Variants in NFE2L2 observed in about 807,000 individuals in gnomAD.
NFE2L2 encodes the protein nuclear factor erythroid 2-related factor 2.
NFE2L2 carries 20 observed loss-of-function variants against 49.6 expected under a neutral mutation model. The observed-to-expected ratio is 0.40, with a 90% CI of 0.28 to 0.59. The LOEUF is 0.59. NFE2L2 is among the 20% of genes least tolerant of loss of function. The probability of loss-of-function intolerance (pLI) is 0.40; values close to 1 mark genes in which losing one functional copy is unlikely to be tolerated. For missense variants in NFE2L2, 578 were observed against 714.2 expected, an observed-to-expected ratio of 0.81 and a Z score of 2.17; for synonymous variants, 244 against 256.5, an observed-to-expected ratio of 0.95 and a Z score of 0.47.
At chr2:177,251,454 CTA>C (rs1363384481) in intron 1 of NFE2L2, among the ~76,000 whole-genome samples, 3 of 152,138 alleles carry the variant, frequency 2.0e-5, no homozygotes, top group African/African-American at 7.2e-5. Flanking sequence ...GAAAGGAATC[CTA>C]TGAGATGGTT....
chr2:177,236,825 T>C (rs1689767025), intron 1 of NFE2L2, among the ~76,000 whole-genome samples: 1 of 152,122 alleles, frequency 6.6e-6, no homozygotes, highest in Non-Finnish European at 1.5e-5. Flanking sequence ...GTATTGTTAT[T>C]TTTTCGGGTT....
Position 177,264,052 on chromosome 2 carries a change from GT to G in NFE2L2, c.45+479del, listed in dbSNP as rs1450669417. Among the ~76,000 whole-genome samples the G allele has an allele frequency of 4.6e-5, 7 of 152,238 alleles. No homozygotes were observed. In the East Asian group the frequency reaches 1.4e-3, roughly 29 times the overall value. On this transcript the variant is annotated intron_variant, in intron 1 of 4. Coordinates refer to ENST00000397062, the MANE Select transcript of NFE2L2 (RefSeq NM_006164.5). ...GGGTCCCAGCCCGAAGGCGACCTCA[GT>G]TCCCCCGAGAGCGGCCCCGTGACTA... is the stretch of plus-strand genomic sequence containing the variant.
rs1574280956 is a variant in NFE2L2, at chr2:177,255,639, A to T, written c.45+8893T>A. On this transcript the variant is annotated intron_variant, in intron 1 of 4. Transcript: ENST00000397062. ...CAGTGGCATGATTATGGCTCACTGC[A>T]CCTTCAAACTCCTGGGCTCAAGCTA... 3.3e-5 allele frequency among the ~76,000 whole-genome samples: 5 copies of T among 152,090 alleles called. No homozygotes were observed. In the South Asian group the frequency reaches 8.3e-4, roughly 25 times the overall value.
At chr2:177,258,768 AGGC>A (rs1690621652) in intron 1 of NFE2L2, among the ~76,000 whole-genome samples, 1 of 152,188 alleles carries the variant, frequency 6.6e-6, no homozygotes, top group Non-Finnish European at 1.5e-5. Context: ...AACTCAGAGG[AGGC>A]ATCAAAGCCT....
At position 177,231,628 on chromosome 2, in the gene NFE2L2, G is replaced by C. The variant is rs750904405; in HGVS notation, c.975C>G (p.Cys325Trp). ...CAGGGTGGTTTTGGTTGAAAGCTTT[G>C]CAAAGTGATAGATCAGAAACATCAA... Reference protein sequence around the residue: ...GPIDVSDLSLCKAFNQNHPES... With the variant: ...GPIDVSDLSLWKAFNQNHPES... Residue 325 changes from cysteine (C) to tryptophan (W), a missense_variant, in exon 5 of 5, where the codon TGC becomes TGG. Cys to Trp is a radical substitution (Grantham distance 215, BLOSUM62 -2). Around this residue, in one of 3 missense-constraint regions of NFE2L2, gnomAD observed 368 missense variants for 384.6 expected, o/e 0.96. Coordinates refer to ENST00000397062, the MANE Select transcript of NFE2L2 (RefSeq NM_006164.5). 6.2e-7 allele frequency: 1 copy of C among 1,614,192 alleles called. No homozygotes were observed. Among genetic ancestry groups the C allele is most frequent in the African/African-American group, 1.3e-5 (1 of 75,040 alleles).
chr2:177,262,165 T>C (rs1199408595), intron 1 of NFE2L2, among the ~76,000 whole-genome samples: 4 of 152,232 alleles, frequency 2.6e-5, no homozygotes, highest in African/African-American at 9.6e-5. Flanking sequence ...AAGAGATTTT[T>C]CACATATCTA....
intron 4 of NFE2L2, 49 bp downstream of exon 4, chr2:177,232,343 G>T: frequency 6.7e-7 from 1 of 1,500,986 alleles, no homozygotes; most frequent in Non-Finnish European, 9.1e-7. Flanking sequence ...AATGACTAAA[G>T]GCACTGAATA....
intron 1 of NFE2L2, among the ~76,000 whole-genome samples, chr2:177,252,068 T>C (rs1394899937): frequency 1.3e-5 from 2 of 151,424 alleles, no homozygotes; most frequent in African/African-American, 2.4e-5. Context: ...ACAACCACCA[T>C]TTGCTGAAGG....
intron 1 of NFE2L2, chr2:177,263,995 AAGG>A: frequency 6.2e-6 from 6 of 968,858 alleles, no homozygotes; most frequent in South Asian, 9.6e-5. Context: ...GCCCGCACTC[AAGG>A]AGGTCTTGGG....
At chr2:177,232,786 C>T in intron 3 of NFE2L2, 2 of 562,522 alleles carry the variant, frequency 3.6e-6, no homozygotes, top group Non-Finnish European at 6.2e-6. Flanking sequence ...TCTGTTTCAG[C>T]TTAAGCATTT....
At chr2:177,254,382 G>T (rs532330735) in intron 1 of NFE2L2, among the ~76,000 whole-genome samples, 4 of 152,182 alleles carry the variant, frequency 2.6e-5, no homozygotes, top group African/African-American at 9.7e-5. Context: ...CTGGTGAGAT[G>T]GCAGGCTTCC....
In NFE2L2 at chr2:177,252,458, T is replaced by C. The variant is rs572207361; in HGVS notation, c.45+12074A>G. Among the ~76,000 whole-genome samples, 115 of 152,322 alleles carry C rather than the reference T, an allele frequency of 7.5e-4. 1 individual carries two copies. The highest frequency in any genetic ancestry group is 2.6e-3 in the African/African-American group (109 of 41,576). ...TGTTTTTTCTTGTCTTGGGCAAATATTGCTAATCATTGTAATTGGAAGCAA... is the reference window on the plus strand; with the variant it reads ...TGTTTTTTCTTGTCTTGGGCAAATACTGCTAATCATTGTAATTGGAAGCAA... On this transcript the variant is annotated intron_variant, in intron 1 of 4. Coordinates refer to ENST00000397062, the MANE Select transcript of NFE2L2 (RefSeq NM_006164.5).
intron 1 of NFE2L2, among the ~76,000 whole-genome samples, chr2:177,253,796 ACACT>A (rs1387480273): frequency 6.6e-6 from 1 of 152,242 alleles, no homozygotes; most frequent in African/African-American, 2.4e-5. Context: ...AGAACTATTA[ACACT>A]CACCCCTTCA....
intron 1 of NFE2L2, among the ~76,000 whole-genome samples, chr2:177,238,473 T>C (rs1006550891): frequency 2.0e-5 from 3 of 152,240 alleles, no homozygotes; most frequent in Non-Finnish European, 2.9e-5. Context: ...TAGCTATACA[T>C]TGTTTAATTA....
rs59040355 is a variant in NFE2L2, at chr2:177,261,170, CA to C, written c.45+3361del. ...TGGGCAACAGAACAAGACTTCATCT[CA>C]AAAAAAAAAAAAAACAAAAAACAAA... On this transcript the variant is annotated intron_variant, in intron 1 of 4. Coordinates refer to ENST00000397062, the MANE Select transcript of NFE2L2 (RefSeq NM_006164.5). Among the ~76,000 whole-genome samples, 151 of 120,098 alleles carry C rather than the reference CA, an allele frequency of 1.3e-3. 1 individual carries two copies. Among genetic ancestry groups the C allele is most frequent in the Admixed American group, 3.3e-3 (38 of 11,406 alleles). 78.8% of individuals were successfully genotyped at this position (120,098 alleles called of 152,430 possible). A position where few individuals can be genotyped will look rare whatever the true frequency, so the allele number is the denominator to read the frequency against.
intron 1 of NFE2L2, among the ~76,000 whole-genome samples, chr2:177,241,134 CTG>C (rs1189524077): frequency 1.3e-5 from 2 of 152,198 alleles, no homozygotes; most frequent in Admixed American, 1.3e-4. Flanking sequence ...GAAAGCGAAA[CTG>C]AGCCTTGCTC....
At chr2:177,249,968 G>A (rs956578736) in intron 1 of NFE2L2, among the ~76,000 whole-genome samples, 3 of 152,126 alleles carry the variant, frequency 2.0e-5, no homozygotes, top group African/African-American at 4.8e-5. Flanking sequence ...TGACTTTGAC[G>A]GAACCAAACT....
chr2:177,234,162 TTC>T lies in NFE2L2; in HGVS notation c.153_154del (p.Lys53ThrfsTer2). On this transcript the variant is annotated frameshift_variant, in exon 2 of 5. Coordinates refer to ENST00000397062, the MANE Select transcript of NFE2L2 (RefSeq NM_006164.5). LOFTEE classifies it high-confidence loss of function. ...TTCTTGTCTTTCCTTTTCAAGTTTTTTCTGTTTTTCCAGCTCATACTCTTTCC... is the reference window on the plus strand; with the variant it reads ...TTCTTGTCTTTCCTTTTCAAGTTTTTTGTTTTTCCAGCTCATACTCTTTCC... The T allele has an allele frequency of 6.2e-7, 1 of 1,614,192 alleles. No individual in the cohort carries two copies. Among genetic ancestry groups the T allele is most frequent in the Non-Finnish European group, 8.5e-7 (1 of 1,180,038 alleles).
intron 1 of NFE2L2, among the ~76,000 whole-genome samples, chr2:177,250,066 T>C (rs554219036): frequency 6.6e-6 from 1 of 152,360 alleles, no homozygotes; most frequent in East Asian, 1.9e-4. Flanking sequence ...GTATTTGTAC[T>C]GTTAGCAATT....
Sources: gnomAD v4.1 joint callset for allele counts (sites outside exome capture counted in the v4.1 genomes callset) on GRCh38, gnomAD v4.1.1 for gene constraint, gnomAD v4.1.1 regional missense constraint, MANE v1.5 for transcripts, NCBI Gene and HGNC (gene_info 2026-07-23, HGNC 2026-07-21) for gene names.